CAPN8: variants seen among roughly 807,000 people sequenced by gnomAD.
The protein encoded by CAPN8 is calpain 8, also known as calpain-8.
In CAPN8, 87 loss-of-function variants were observed where a neutral mutation model predicts 80.9. The observed-to-expected ratio is 1.07, with a 90% CI of 0.90 to 1.28. The LOEUF is 1.28. CAPN8 is among the 50% of genes most tolerant of loss of function. The pLI is 0.00. For missense variants in CAPN8, 757 were observed against 702.0 expected (o/e 1.08, Z -0.89); for synonymous variants, 299 against 273.8 (o/e 1.09, Z -0.91).
At chr1:223,625,923 C>G in intron 5 of CAPN8, 35 bp from the exon 6 acceptor site, 3 of 1,520,080 alleles carry the variant, frequency 2.0e-6, no homozygotes, top group Non-Finnish European at 1.8e-6. Context: ...AGTGGCTGAC[C>G]CTGACCTCTC....
intron 2 of CAPN8, among the ~76,000 whole-genome samples, chr1:223,652,111 A>AGG: frequency 6.6e-6 from 1 of 152,258 alleles, no homozygotes; most frequent in South Asian, 2.1e-4. Context: ...CATCATTTTC[A>AGG]TTATACAAAT....
Position 223,613,892 on chromosome 1 carries a change from C to T in CAPN8, c.1312-1635G>A, listed in dbSNP as rs1189606657. Among the ~76,000 whole-genome samples the T allele has an allele frequency of 1.3e-5, 2 of 152,260 alleles. 1 individual carries two copies. The highest frequency in any genetic ancestry group is 3.8e-4 in the East Asian group (2 of 5,200). ...ATACCCTCTTAACCTGACTTTTAAA[C>T]TGTTTTCACTTATGGATGTCATGCT... On this transcript the variant is annotated intron_variant, in intron 10 of 20. Coordinates refer to ENST00000366872, the MANE Select transcript of CAPN8 (RefSeq NM_001143962.2).
intron 2 of CAPN8, among the ~76,000 whole-genome samples, chr1:223,648,524 T>C (rs1332690620): frequency 6.6e-6 from 1 of 152,214 alleles, no homozygotes; most frequent in Non-Finnish European, 1.5e-5. Context: ...CTACTCCCAG[T>C]TACTGACTAG....
At chr1:223,543,337 A>G (rs1192508524) in intron 19 of CAPN8, among the ~76,000 whole-genome samples, 171 bp from the exon 20 acceptor site, 1 of 139,090 alleles carries the variant, frequency 7.2e-6, no homozygotes, top group African/African-American at 2.7e-5. Context: ...AGCTAGATCC[A>G]GGGCACACAA....
intron 10 of CAPN8, among the ~76,000 whole-genome samples, chr1:223,612,681 G>A (rs1348982426): frequency 2.0e-5 from 3 of 152,094 alleles, no homozygotes; most frequent in Non-Finnish European, 4.4e-5. Flanking sequence ...TCTGCCCTTG[G>A]CTATGGTGAA....
intron 16 of CAPN8, among the ~76,000 whole-genome samples, chr1:223,548,184 T>C (rs995265624): frequency 6.6e-6 from 1 of 152,180 alleles, no homozygotes; most frequent in Non-Finnish European, 1.5e-5. Context: ...GAGCTCATCA[T>C]GGATGAGGCC....
At chr1:223,610,757 C>T (rs1038833917) in intron 11 of CAPN8, among the ~76,000 whole-genome samples, 8 of 152,080 alleles carry the variant, frequency 5.3e-5, no homozygotes, top group African/African-American at 1.7e-4. Flanking sequence ...GCCACAAGGT[C>T]CCTGGCCCCC....
chr1:223,550,842 G>A (rs1212047953), intron 15 of CAPN8, 118 bp downstream of exon 15: 12 of 613,922 alleles, frequency 2.0e-5, no homozygotes, highest in African/African-American at 3.7e-5. Context: ...CCTGGGGTCA[G>A]ACACCAATGC....
At chr1:223,557,613 T>G (rs1204164757) in intron 13 of CAPN8, among the ~76,000 whole-genome samples, 2 of 152,180 alleles carry the variant, frequency 1.3e-5, no homozygotes, top group Non-Finnish European at 2.9e-5. Flanking sequence ...CCTACATATT[T>G]ATTCCTCCAA....
Position 223,544,759 on chromosome 1 carries a change from G to A in CAPN8, c.1912+13C>T. 1 of 1,551,656 alleles carries A rather than the reference G, an allele frequency of 6.4e-7. No homozygotes were observed. Among genetic ancestry groups the A allele is most frequent in the South Asian group, 1.2e-5 (1 of 84,054 alleles). On this transcript the variant is annotated intron_variant, in intron 18 of 20. Coordinates refer to ENST00000366872, the MANE Select transcript of CAPN8 (RefSeq NM_001143962.2). ...CTGGATCCCAAGACCCTGTCTACAG[G>A]ATGTGTCCTCACCTGCCTTCCTGAG... is the stretch of plus-strand genomic sequence containing the variant.
intron 10 of CAPN8, among the ~76,000 whole-genome samples, chr1:223,614,806 C>T (rs1457069288): frequency 1.3e-5 from 2 of 152,254 alleles, no homozygotes; most frequent in South Asian, 2.1e-4. Context: ...GATGCGCATA[C>T]ACTAAGTGCC....
chr1:223,640,554 G>T (rs1035292809), intron 2 of CAPN8, among the ~76,000 whole-genome samples: 1 of 152,108 alleles, frequency 6.6e-6, no homozygotes, highest in Non-Finnish European at 1.5e-5. Context: ...AGTTGCTGAA[G>T]CCCAGAAGCC....
At chr1:223,664,862 C>T (rs542459495) in intron 1 of CAPN8, among the ~76,000 whole-genome samples, 1 of 152,220 alleles carries the variant, frequency 6.6e-6, no homozygotes, top group East Asian at 1.9e-4. Context: ...TCACCTGAGC[C>T]CAGGAAGGTT....
At chr1:223,544,902 C>G (rs1164539564) in intron 17 of CAPN8, 52 bp from the exon 18 acceptor site, 6 of 1,550,240 alleles carry the variant, frequency 3.9e-6, no homozygotes, top group African/African-American at 1.4e-5. Flanking sequence ...CGGCCCCTGC[C>G]AGAACCATCT....
intron 1 of CAPN8, among the ~76,000 whole-genome samples, chr1:223,654,825 G>GC (rs1345680442): frequency 6.7e-6 from 1 of 149,264 alleles, no homozygotes; most frequent in Non-Finnish European, 1.5e-5. Flanking sequence ...ACAGGCACGT[G>GC]CCACCACACC....
chr1:223,627,009 G>A lies in CAPN8; in HGVS notation c.709C>T (p.Leu237=). 6.4e-7 allele frequency: 1 copy of A among 1,551,816 alleles called. No individual in the cohort carries two copies. The highest frequency in any genetic ancestry group is 8.7e-7 in the Non-Finnish European group (1 of 1,147,000). ...IIRKALCAGS[L]LGCSIDVSSA... Reference sequence around the variant, plus strand: ...CTCACATCAATGGAGCAGCCCAGCAGAGACCCCGCACAGAGGGCCTTCCGG... The same window carrying A: ...CTCACATCAATGGAGCAGCCCAGCAAAGACCCCGCACAGAGGGCCTTCCGG... The change falls in exon 5 of 21, where the codon CTG becomes TTG. Residue 237 remains leucine (L), a synonymous_variant. Transcript: ENST00000366872.
intron 13 of CAPN8, among the ~76,000 whole-genome samples, chr1:223,555,591 C>A (rs1656885793): frequency 1.3e-5 from 2 of 152,258 alleles, no homozygotes; most frequent in East Asian, 3.9e-4. Flanking sequence ...ATGCCAAAAT[C>A]TTGGATGTCC....
At chr1:223,656,973 C>A (rs1332322479) in intron 1 of CAPN8, among the ~76,000 whole-genome samples, 2 of 152,108 alleles carry the variant, frequency 1.3e-5, no homozygotes, top group Non-Finnish European at 2.9e-5. Flanking sequence ...CATGAGCCAC[C>A]GCGCCCAGCC....
intron 14 of CAPN8, among the ~76,000 whole-genome samples, chr1:223,552,559 C>CAA (rs1167143421): frequency 0.046 from 2,996 of 65,046 alleles, 109 homozygotes; most frequent in East Asian, 0.11. Flanking sequence ...CAGTCCATCT[C>CAA]AAAAAAAAAA....
Sources: gnomAD v4.1 joint callset for allele counts (sites outside exome capture counted in the v4.1 genomes callset) on GRCh38, gnomAD v4.1.1 for gene constraint, MANE v1.5 for transcripts, NCBI Gene and HGNC (gene_info 2026-07-23, HGNC 2026-07-21) for gene names.